Variants in UGT8 observed in about 807,000 individuals in gnomAD.
UGT8 encodes UDP glycosyltransferase 8.
Under a neutral mutation model 40.5 loss-of-function variants are expected in UGT8, and 12 were observed. The observed-to-expected ratio is 0.30, with a 90% confidence interval of 0.19 to 0.48. The LOEUF is 0.48. Among genes scored for constraint, UGT8 ranks in the 20% least tolerant of loss-of-function variants. The probability of loss-of-function intolerance (pLI) is 0.99; values close to 1 mark genes in which losing one functional copy is unlikely to be tolerated. For missense variants in UGT8, 513 were observed against 648.7 expected, an observed-to-expected ratio of 0.79 and a Z score of 2.27; for synonymous variants, 224 against 240.4, an observed-to-expected ratio of 0.93 and a Z score of 0.63.
At chr4:114,631,726 A>G (rs780058388) in intron 2 of UGT8, among the ~76,000 whole-genome samples, 7 of 152,222 alleles carry the variant, frequency 4.6e-5, no homozygotes, top group Non-Finnish European at 1.0e-4. Context: ...ATTTAAACTC[A>G]TACAATCCAT....
chr4:114,632,317 C>T (rs1195658088), intron 2 of UGT8, among the ~76,000 whole-genome samples: 2 of 152,166 alleles, frequency 1.3e-5, no homozygotes, highest in African/African-American at 4.8e-5. Context: ...TGTCCTAAAA[C>T]TTCAAAGAAG....
At chr4:114,640,538 G>C (rs527920182) in intron 2 of UGT8, among the ~76,000 whole-genome samples, 2 of 152,148 alleles carry the variant, frequency 1.3e-5, no homozygotes, top group Non-Finnish European at 2.9e-5. Context: ...ACATATGCTA[G>C]GAGATCTCAC....
At chr4:114,614,358 ATG>A (rs1434497758) in intron 1 of UGT8, among the ~76,000 whole-genome samples, 1 of 152,042 alleles carries the variant, frequency 6.6e-6, no homozygotes, top group Non-Finnish European at 1.5e-5. Flanking sequence ...TTCATATTTC[ATG>A]TGTGTAAAGA....
At chr4:114,644,180 A>G (rs188934078) in intron 2 of UGT8, among the ~76,000 whole-genome samples, 36 of 152,150 alleles carry the variant, frequency 2.4e-4, no homozygotes, top group African/African-American at 7.2e-4. Flanking sequence ...TTCCCTCTCA[A>G]AGTTTCCTTA....
intron 2 of UGT8, among the ~76,000 whole-genome samples, chr4:114,651,721 G>C (rs537123451): frequency 2.0e-5 from 3 of 152,152 alleles, no homozygotes; most frequent in Non-Finnish European, 4.4e-5. Flanking sequence ...GTCTTTTGAA[G>C]TAATCATTAA....
rs988347968 is a variant in UGT8 at position 114,604,209 on chromosome 4, C to G, written c.-3+5235C>G. Among the ~76,000 whole-genome samples the G allele has an allele frequency of 9.9e-5, 15 of 152,222 alleles. No individual in the cohort carries two copies. In the East Asian group the frequency reaches 2.9e-3, roughly 29 times the overall value. On this transcript the variant is annotated intron_variant, in intron 1 of 5. Transcript: ENST00000310836. Reference sequence around the variant, plus strand: ...GGTTTCTAATGTCTTGTTTAAAGTACTCTTAGTATTTTAAGTGTGTTCTAG... The same window carrying G: ...GGTTTCTAATGTCTTGTTTAAAGTAGTCTTAGTATTTTAAGTGTGTTCTAG...
chr4:114,667,242 A>T (rs985857531), intron 4 of UGT8, among the ~76,000 whole-genome samples: 1 of 152,280 alleles, frequency 6.6e-6, no homozygotes, highest in South Asian at 2.1e-4. Flanking sequence ...TACCTGGCAC[A>T]TGTGTATTTT....
chr4:114,604,491 A>G (rs565900183), intron 1 of UGT8, among the ~76,000 whole-genome samples: 78 of 145,972 alleles, frequency 5.3e-4, no homozygotes, highest in African/African-American at 1.8e-3. Flanking sequence ...TAAGACTACT[A>G]TGGTAATATT....
intron 2 of UGT8, among the ~76,000 whole-genome samples, chr4:114,636,357 T>C (rs1471746247): frequency 6.6e-6 from 1 of 152,218 alleles, no homozygotes; most frequent in Non-Finnish European, 1.5e-5. Flanking sequence ...AGCTGAAGCC[T>C]TACACAGCTG....
chr4:114,672,633 G>C (rs1450788871), intron 5 of UGT8, among the ~76,000 whole-genome samples: 4 of 151,458 alleles, frequency 2.6e-5, no homozygotes, highest in Non-Finnish European at 5.9e-5. Context: ...TATGGACACA[G>C]AGAGGGGGAA....
At chr4:114,611,410 A>C (rs1410970211) in intron 1 of UGT8, among the ~76,000 whole-genome samples, 1 of 16,306 alleles carries the variant, frequency 6.1e-5, no homozygotes, top group African/African-American at 1.3e-4. Flanking sequence ...ATCCATATAT[A>C]TATATATATA....
In UGT8 at chr4:114,616,588, G is replaced by A. The variant is rs377240989; in HGVS notation, c.-2-6291G>A. ...CTCACCCTACTTCGGCTCATGCTCG[G>A]TGTGTTGCACCCACTGTCCTGCACC... On this transcript the variant is annotated intron_variant, in intron 1 of 5. Transcript: ENST00000310836. Among the ~76,000 whole-genome samples, 138 of 152,144 alleles carry A rather than the reference G, an allele frequency of 9.1e-4. 2 individuals carry two copies. Among genetic ancestry groups the A allele is most frequent in the African/African-American group, 3.3e-3 (135 of 41,506 alleles).
intron 4 of UGT8, 92 bp from the exon 5 acceptor site, chr4:114,667,993 T>C (rs1734996293): frequency 6.6e-7 from 1 of 1,521,310 alleles, no homozygotes; most frequent in Non-Finnish European, 8.8e-7. Flanking sequence ...AATGCATGTT[T>C]ACTGTAGTGC....
At chr4:114,648,559 A>G (rs934776223) in intron 2 of UGT8, among the ~76,000 whole-genome samples, 1 of 152,160 alleles carries the variant, frequency 6.6e-6, no homozygotes, top group East Asian at 1.9e-4. Flanking sequence ...ATAAGAATAT[A>G]TTTATGAGGA....
At chr4:114,671,208 T>G (rs1397176038) in intron 5 of UGT8, among the ~76,000 whole-genome samples, 3 of 152,184 alleles carry the variant, frequency 2.0e-5, no homozygotes, top group Non-Finnish European at 4.4e-5. Flanking sequence ...GAAAAATGAA[T>G]ATTGTGAAAA....
chr4:114,616,010 A>C (rs955085071), intron 1 of UGT8, among the ~76,000 whole-genome samples: 13 of 152,074 alleles, frequency 8.5e-5, no homozygotes, highest in South Asian at 6.2e-4. Flanking sequence ...GTCTGCCCTT[A>C]CTGGGGGGTG....
At chr4:114,641,008 A>C (rs1733190749) in intron 2 of UGT8, among the ~76,000 whole-genome samples, 1 of 152,178 alleles carries the variant, frequency 6.6e-6, no homozygotes, top group Admixed American at 6.5e-5. Context: ...AGTCATTGTT[A>C]TCGGTCATAG....
chr4:114,615,460 TC>T (rs1731349891), intron 1 of UGT8, among the ~76,000 whole-genome samples: 2 of 152,044 alleles, frequency 1.3e-5, no homozygotes, highest in Non-Finnish European at 2.9e-5. Context: ...ACTTCCCCCC[TC>T]CCCACCCAGT....
chr4:114,620,195 C>T lies in UGT8; in HGVS notation c.-2-2684C>T, dbSNP rs79141935. On this transcript the variant is annotated intron_variant, in intron 1 of 5. Coordinates refer to ENST00000310836, the MANE Select transcript of UGT8 (RefSeq NM_001128174.3). The stretch of plus-strand genomic sequence containing the variant: ...TTTATGATAGATAAAGTAGTTTTAA[C>T]TGTAACTGAACAGAGTGTACCTATG... 6.1e-3 allele frequency among the ~76,000 whole-genome samples: 929 copies of T among 152,252 alleles called. 11 individuals are homozygous for T. The highest frequency in any genetic ancestry group is 0.021 in the African/African-American group (887 of 41,546).
Sources: gnomAD v4.1 joint callset for allele counts (sites outside exome capture counted in the v4.1 genomes callset) on GRCh38, gnomAD v4.1.1 for gene constraint, MANE v1.5 for transcripts, NCBI Gene and HGNC (gene_info 2026-07-23, HGNC 2026-07-21) for gene names.